Variants in NBAS observed in about 807,000 individuals in gnomAD.
The protein encoded by NBAS is NBAS subunit of NRZ tethering complex.
In NBAS, 219 loss-of-function variants were observed where a neutral mutation model predicts 302.5. The ratio of observed to expected loss-of-function variants is 0.72; its 90% CI spans 0.65 to 0.81. The LOEUF (loss-of-function observed/expected upper bound fraction) is 0.81, where lower values mean the gene tolerates loss of function less well. NBAS is among the 30% of genes least tolerant of loss of function. The pLI is 0.00. For missense variants in NBAS, 2,932 were observed against 2,841.6 expected (o/e 1.03, Z -0.72); for synonymous variants, 1,118 against 1,021.6 (o/e 1.09, Z -1.80).
chr2:15,417,737 T>C (rs1677015813), intron 23 of NBAS, 25 bp from the exon 24 acceptor site: 2 of 1,599,014 alleles, frequency 1.3e-6, no homozygotes, highest in Non-Finnish European at 1.7e-6. Flanking sequence ...CAACAATAAG[T>C]TCCTGAGTAT....
chr2:15,519,405 G>T (rs999694854), intron 9 of NBAS, among the ~76,000 whole-genome samples: 9 of 151,852 alleles, frequency 5.9e-5, no homozygotes, highest in African/African-American at 1.9e-4. Context: ...TCCACCACAA[G>T]TTCTCATTTA....
intron 48 of NBAS, among the ~76,000 whole-genome samples, chr2:15,195,822 C>T (rs989294414): frequency 1.2e-4 from 19 of 152,138 alleles, no homozygotes; most frequent in Non-Finnish European, 2.8e-4. Context: ...CCTGTAGGAA[C>T]ACTACACTGG....
At chr2:14,967,956 G>A in the NBAS span, among the ~76,000 whole-genome samples, 1 of 152,148 alleles carries the variant, frequency 6.6e-6, no homozygotes, top group African/African-American at 2.4e-5. Flanking sequence ...ACTGGCAAGA[G>A]TTAAAACAGC....
At chr2:15,298,948 C>A (rs1670675249) in intron 40 of NBAS, among the ~76,000 whole-genome samples, 1 of 152,156 alleles carries the variant, frequency 6.6e-6, no homozygotes, top group Non-Finnish European at 1.5e-5. Flanking sequence ...CCCGCTTGCC[C>A]CACACTGCTG....
chr2:15,375,535 C>T (rs146179469), intron 30 of NBAS, among the ~76,000 whole-genome samples: 1 of 152,090 alleles, frequency 6.6e-6, no homozygotes, highest in East Asian at 1.9e-4. Flanking sequence ...AGCCTGCTCT[C>T]GTAAAACTGG....
chr2:15,461,977 A>T (rs1679525934), intron 19 of NBAS, among the ~76,000 whole-genome samples, 186 bp from the exon 20 acceptor site: 1 of 152,258 alleles, frequency 6.6e-6, no homozygotes. Flanking sequence ...GGAAAGGGCT[A>T]TATTAATAAA....
intron 45 of NBAS, among the ~76,000 whole-genome samples, chr2:15,236,176 T>TA (rs1004114155): frequency 4.6e-5 from 7 of 152,168 alleles, no homozygotes; most frequent in African/African-American, 1.7e-4. Context: ...CAAGTAGCTA[T>TA]ATGGTACCTT....
intron 21 of NBAS, among the ~76,000 whole-genome samples, chr2:15,457,022 C>A (rs988214555): frequency 1.3e-5 from 2 of 152,072 alleles, no homozygotes; most frequent in Non-Finnish European, 2.9e-5. Flanking sequence ...AAGTAAGAGA[C>A]CCAGTCACAG....
chr2:15,302,209 T>C (rs569028244), intron 40 of NBAS, among the ~76,000 whole-genome samples: 26 of 152,328 alleles, frequency 1.7e-4, no homozygotes, highest in African/African-American at 6.0e-4. Flanking sequence ...AAAAAGGCTT[T>C]GCATCTTGAT....
At chr2:15,061,854 C>T in the NBAS span, among the ~76,000 whole-genome samples, 11 of 152,148 alleles carry the variant, frequency 7.2e-5, no homozygotes, top group East Asian at 1.9e-4. Context: ...GTTTCACAGG[C>T]GAAGATAAGC....
At chr2:15,544,252 T>C (rs913349681) in intron 6 of NBAS, among the ~76,000 whole-genome samples, 4 of 152,090 alleles carry the variant, frequency 2.6e-5, no homozygotes, top group Non-Finnish European at 4.4e-5. Flanking sequence ...TAAATGTTAA[T>C]AGTGTCGCCA....
At chr2:14,990,024 G>T in the NBAS span, among the ~76,000 whole-genome samples, 8 of 152,034 alleles carry the variant, frequency 5.3e-5, no homozygotes, top group Non-Finnish European at 1.2e-4. Flanking sequence ...TGGGTAACAA[G>T]ATTATGGTTA....
chr2:15,170,604 A>G (rs1233018353), intron 51 of NBAS, among the ~76,000 whole-genome samples: 2 of 152,176 alleles, frequency 1.3e-5, no homozygotes, highest in Admixed American at 1.3e-4. Flanking sequence ...GGGTGACTTT[A>G]TCTTATTTCC....
chr2:15,417,719 T>G lies in NBAS; in HGVS notation c.2578-7A>C. The G allele has an allele frequency of 6.2e-7, 1 of 1,613,058 alleles. No individual in the cohort carries two copies. Among genetic ancestry groups the G allele is most frequent in the Non-Finnish European group, 8.5e-7 (1 of 1,179,362 alleles). On this transcript the variant is annotated splice_region_variant and splice_polypyrimidine_tract_variant and intron_variant, in intron 23 of 51. Coordinates refer to ENST00000281513, the MANE Select transcript of NBAS (RefSeq NM_015909.4). ...GTGACAATGCACAGTCCACCTAAAA[T>G]TGAAAAGCAACAATAAGTTCCTGAG...
At chr2:15,088,440 A>G in the NBAS span, among the ~76,000 whole-genome samples, 1 of 152,078 alleles carries the variant, frequency 6.6e-6, no homozygotes, top group African/African-American at 2.4e-5. Context: ...AACATGAATG[A>G]CCCTTGAAAG....
rs532544378 is a variant in NBAS, at chr2:15,194,311, C to T, written c.6433-3908G>A. On this transcript the variant is annotated intron_variant, in intron 48 of 51. Transcript: ENST00000281513. ...GAAAAAGAAAAATTTTGAAAGCAGACAGAACAACGTTACCTATAGGAGAAC... is the reference window on the plus strand; with the variant it reads ...GAAAAAGAAAAATTTTGAAAGCAGATAGAACAACGTTACCTATAGGAGAAC... 3.9e-5 allele frequency among the ~76,000 whole-genome samples: 6 copies of T among 152,108 alleles called. No homozygotes were observed. The South Asian group carries it at 8.3e-4, about 21-fold the overall frequency.
rs1411879442 is a variant in NBAS at position 15,190,386 on chromosome 2, AAT to A, written c.6448_6449del (p.Ile2150Ter). On this transcript the variant is annotated frameshift_variant, in exon 49 of 52. Transcript: ENST00000281513. LOFTEE classifies it high-confidence loss of function. Reference sequence around the variant, plus strand: ...GACAGTAGCGGTTCTCTTCATTCTCAATGTCAGCTATGTCTACCTGGAAGAAG... The same window carrying A: ...GACAGTAGCGGTTCTCTTCATTCTCAGTCAGCTATGTCTACCTGGAAGAAG... Reference protein sequence around the residue: ...WPQRQVDIADIENEENRYCLF... With the variant: ...WPQRQVDIADXENEENRYCLF... 3.1e-6 allele frequency: 5 copies of A among 1,613,824 alleles called. No homozygotes were observed. The highest frequency in any genetic ancestry group is 4.2e-6 in the Non-Finnish European group (5 of 1,179,896).
At chr2:15,532,498 A>G (rs1230012285) in intron 9 of NBAS, among the ~76,000 whole-genome samples, 3 of 150,984 alleles carry the variant, frequency 2.0e-5, no homozygotes, top group African/African-American at 7.3e-5. Context: ...CAAAAAAAAA[A>G]AAAAAAAAAA....
chr2:15,393,657 A>T (rs747821558), intron 28 of NBAS: 18 of 470,880 alleles, frequency 3.8e-5, no homozygotes, highest in Non-Finnish European at 7.9e-5. Flanking sequence ...GAAAAGTCGT[A>T]GCAACTTTAT....
Sources: allele counts gnomAD v4.1 joint callset (sites outside exome capture counted in the v4.1 genomes callset), GRCh38; gene constraint gnomAD v4.1.1; transcripts MANE v1.5; gene names NCBI Gene and HGNC (gene_info 2026-07-23, HGNC 2026-07-21).